Variants in LCN9 observed in about 807,000 individuals in gnomAD.
The protein encoded by LCN9 is epididymal-specific lipocalin-9.
In LCN9, 22 loss-of-function variants were observed where a neutral mutation model predicts 18.5. The observed-to-expected ratio is 1.19, with a 90% CI of 0.85 to 1.70. The LOEUF (loss-of-function observed/expected upper bound fraction) is 1.70. LCN9 is among the 40% of genes most tolerant of loss of function. LCN9 has a pLI of 0.00. For missense variants in LCN9, 202 were observed against 201.3 expected (o/e 1.00, Z -0.02); for synonymous variants, 89 against 83.0 (o/e 1.07, Z -0.39).
rs759509433 is a variant in LCN9, at chr9:135,665,922, C to A, written c.*71C>A. ...GGCCTCCCATGCGTGAGCTGCGACT[C>A]GGGACGGGCAGGGGGCTGGATGGGG... On this transcript the variant is annotated 3_prime_UTR_variant, in exon 6 of 6. Transcript: ENST00000619315. The surrounding 1 kb of genome is among the most constrained non-coding windows in gnomAD (Gnocchi z 5.9). 6.2e-7 allele frequency: 1 copy of A among 1,609,650 alleles called. No individual in the cohort carries two copies. Among genetic ancestry groups the A allele is most frequent in the Non-Finnish European group, 8.5e-7 (1 of 1,178,852 alleles).
At position 135,665,560 on chromosome 9, in the gene LCN9, C is replaced by G; in HGVS notation, c.419-128C>G. 4.2e-6 allele frequency: 4 copies of G among 952,250 alleles called. No homozygotes were observed. Among genetic ancestry groups the G allele is most frequent in the Middle Eastern group, 2.2e-4 (1 of 4,590 alleles). The allele number at this position is 952,250 out of a possible 1,614,324, so 59.0% of individuals were successfully genotyped here. On this transcript the variant is annotated intron_variant, in intron 4 of 5. Coordinates refer to ENST00000619315, the Ensembl canonical transcript of LCN9. The surrounding 1 kb of genome is among the most constrained non-coding windows in gnomAD (Gnocchi z 5.9). ...ATCTCACTTGGCACAAAGCCCCTCTCTGGTCAGGGCGTGACCCCCTGCCCA... is the reference window on the plus strand; with the variant it reads ...ATCTCACTTGGCACAAAGCCCCTCTGTGGTCAGGGCGTGACCCCCTGCCCA...
chr9:135,663,427 C>T lies in LCN9; in HGVS notation c.96+10C>T, dbSNP rs55948356. On this transcript the variant is annotated intron_variant, in intron 1 of 5. Coordinates refer to ENST00000619315, the Ensembl canonical transcript of LCN9. ...CTACAACGTGGCCAGGGTGTGTCTGCGTTGGGGTCTGTGGGGAAGGGGCCA... is the reference window on the plus strand; with the variant it reads ...CTACAACGTGGCCAGGGTGTGTCTGTGTTGGGGTCTGTGGGGAAGGGGCCA... The T allele has an allele frequency of 7.3e-3, 11,784 of 1,612,290 alleles. 72 individuals carry two copies. The highest frequency in any genetic ancestry group is 8.9e-3 in the Non-Finnish European group (10,516 of 1,178,452).
Position 135,664,389 on chromosome 9 carries a change from C to A in LCN9, c.233+91C>A. 6.7e-7 allele frequency: 1 copy of A among 1,496,878 alleles called. No individual in the cohort carries two copies. The highest frequency in any genetic ancestry group is 9.2e-7 in the Non-Finnish European group (1 of 1,087,966). 92.7% of individuals were successfully genotyped at this position (1,496,878 alleles called of 1,614,324 possible). On this transcript the variant is annotated intron_variant, in intron 2 of 5. Coordinates refer to ENST00000619315, the Ensembl canonical transcript of LCN9. The surrounding 1 kb of genome is among the most constrained non-coding windows in gnomAD (Gnocchi z 4.5). ...TCACTCTTGCACACACACGCTCGCACACTCACTGACTTGCACTCTGGTGAG... is the reference window on the plus strand; with the variant it reads ...TCACTCTTGCACACACACGCTCGCAAACTCACTGACTTGCACTCTGGTGAG...
rs1450963082 is a variant in LCN9, at chr9:135,665,919, A to G, written c.*68A>G. On this transcript the variant is annotated 3_prime_UTR_variant, in exon 6 of 6. Coordinates refer to ENST00000619315, the Ensembl canonical transcript of LCN9. The surrounding 1 kb of genome is among the most constrained non-coding windows in gnomAD (Gnocchi z 5.9). ...CCAGGCCTCCCATGCGTGAGCTGCG[A>G]CTCGGGACGGGCAGGGGGCTGGATG... 1.2e-6 allele frequency: 2 copies of G among 1,609,976 alleles called. No homozygotes were observed. Among genetic ancestry groups the G allele is most frequent in the Non-Finnish European group, 1.7e-6 (2 of 1,179,030 alleles).
In LCN9 at chr9:135,664,321, G is replaced by C; in HGVS notation, c.233+23G>C. The C allele has an allele frequency of 6.2e-7, 1 of 1,613,392 alleles. No homozygotes were observed. Among genetic ancestry groups the C allele is most frequent in the South Asian group, 1.1e-5 (1 of 91,052 alleles). On this transcript the variant is annotated intron_variant, in intron 2 of 5. Coordinates refer to ENST00000619315, the Ensembl canonical transcript of LCN9. The surrounding 1 kb of genome is among the most constrained non-coding windows in gnomAD (Gnocchi z 4.5). ...CATGTGCGTGTTGCCCATCTCAGCT[G>C]GCATCAGGAAGACCCATGCCCCTGC...
In LCN9 at chr9:135,663,494, C is replaced by T. The variant is rs150403377; in HGVS notation, c.96+77C>T. The T allele has an allele frequency of 5.4e-3, 7,372 of 1,362,478 alleles. 57 individuals are homozygous for T. The highest frequency in any genetic ancestry group is 0.013 in the South Asian group (1,085 of 84,586). 84.4% of individuals were successfully genotyped at this position (1,362,478 alleles called of 1,614,324 possible). ...TCTTCCCCCAGCCTGGGGTCTCTGA[C>T]CTGTGACCAGGGCAACTGGTCCAAG... is the stretch of plus-strand genomic sequence containing the variant. On this transcript the variant is annotated intron_variant, in intron 1 of 5. Transcript: ENST00000619315.
rs1252789895 is a variant in LCN9, at chr9:135,664,498, G to A, written c.233+200G>A. On this transcript the variant is annotated intron_variant, in intron 2 of 5. Transcript: ENST00000619315. This position sits in a 1 kb window ranked among gnomAD's most constrained non-coding sequence, Gnocchi z 4.5. ...TCTGCCTGGCACTGTGCTCTTCCCTGAAACATAGAGATGAAATCGCCCCCT... is the reference window on the plus strand; with the variant it reads ...TCTGCCTGGCACTGTGCTCTTCCCTAAAACATAGAGATGAAATCGCCCCCT... 6.6e-6 allele frequency among the ~76,000 whole-genome samples: 1 copy of A among 152,102 alleles called. No homozygotes were observed. The highest frequency in any genetic ancestry group is 1.5e-5 in the Non-Finnish European group (1 of 68,022).
rs756033576 is a variant in LCN9, at chr9:135,665,719, G to A, written c.450G>A (p.Leu150=). The change falls in exon 5 of 6, where the codon TTG becomes TTA. Residue 150 remains leucine (L), a synonymous_variant. Transcript: ENST00000619315. This position sits in a 1 kb window ranked among gnomAD's most constrained non-coding sequence, Gnocchi z 5.9. ...AGAAACCTGCGAAAAGTACGGACTT[G>A]GCTCACAAAATATCATCGACTTGAC... The A allele has an allele frequency of 1.2e-6, 2 of 1,613,418 alleles. No individual in the cohort carries two copies. Among genetic ancestry groups the A allele is most frequent in the Admixed American group, 3.3e-5 (2 of 59,912 alleles).
exon 6 of LCN9, among the ~76,000 whole-genome samples, chr9:135,666,660 T>A (rs1314680597): frequency 3.3e-5 from 5 of 152,176 alleles, no homozygotes; most frequent in African/African-American, 2.4e-5. Context: ...AAGGCACCTC[T>A]GCATTTCTGC....
Position 135,665,591 on chromosome 9 carries a change from A to G in LCN9, c.419-97A>G. ...AGGGCGTGACCCCCTGCCCAGCCTC[A>G]GCACTTCCTGAGCACCCCCAGCAAG... is the stretch of plus-strand genomic sequence containing the variant. On this transcript the variant is annotated intron_variant, in intron 4 of 5. Coordinates refer to ENST00000619315, the Ensembl canonical transcript of LCN9. This position sits in a 1 kb window ranked among gnomAD's most constrained non-coding sequence, Gnocchi z 5.9. 3 of 1,245,484 alleles carry G rather than the reference A, an allele frequency of 2.4e-6. No individual in the cohort carries two copies. The highest frequency in any genetic ancestry group is 3.4e-6 in the Non-Finnish European group (3 of 874,854). 77.2% of individuals were successfully genotyped at this position (1,245,484 alleles called of 1,614,324 possible).
At position 135,665,429 on chromosome 9, in the gene LCN9, G is replaced by A. The variant is rs531042875; in HGVS notation, c.418+74G>A. The A allele has an allele frequency of 1.2e-5, 15 of 1,248,622 alleles. No homozygotes were observed. The South Asian group carries it at 1.8e-4, about 15-fold the overall frequency. 77.3% of individuals were successfully genotyped at this position (1,248,622 alleles called of 1,614,324 possible). A position where few individuals can be genotyped will look rare whatever the true frequency, so the allele number is the denominator to read the frequency against. ...GAAGTCCGGCCCAACCCTGGGCGGA[G>A]GAGGGTCTCGCAGTGGCCCTGGGGT... On this transcript the variant is annotated intron_variant, in intron 4 of 5. Coordinates refer to ENST00000619315, the Ensembl canonical transcript of LCN9. The surrounding 1 kb of genome is among the most constrained non-coding windows in gnomAD (Gnocchi z 5.9).
At position 135,665,910 on chromosome 9, in the gene LCN9, T is replaced by C; in HGVS notation, c.*59T>C. The C allele has an allele frequency of 6.2e-7, 1 of 1,611,612 alleles. No homozygotes were observed. Among genetic ancestry groups the C allele is most frequent in the Non-Finnish European group, 8.5e-7 (1 of 1,179,302 alleles). On this transcript the variant is annotated 3_prime_UTR_variant, in exon 6 of 6. Transcript: ENST00000619315. This position sits in a 1 kb window ranked among gnomAD's most constrained non-coding sequence, Gnocchi z 5.9. ...GGAGCCCGCCCAGGCCTCCCATGCG[T>C]GAGCTGCGACTCGGGACGGGCAGGG...
chr9:135,665,443 T>A lies in LCN9; in HGVS notation c.418+88T>A. 8.9e-7 allele frequency: 1 copy of A among 1,127,378 alleles called. No homozygotes were observed. The highest frequency in any genetic ancestry group is 1.3e-6 in the Non-Finnish European group (1 of 766,046). The allele number at this position is 1,127,378 out of a possible 1,614,324, so 69.8% of individuals were successfully genotyped here. A position where few individuals can be genotyped will look rare whatever the true frequency, so the allele number is the denominator to read the frequency against. ...CCCTGGGCGGAGGAGGGTCTCGCAG[T>A]GGCCCTGGGGTTTGGAGAGGTGGTT... On this transcript the variant is annotated intron_variant, in intron 4 of 5. Coordinates refer to ENST00000619315, the Ensembl canonical transcript of LCN9. The surrounding 1 kb of genome is among the most constrained non-coding windows in gnomAD (Gnocchi z 5.9).
Position 135,665,934 on chromosome 9 carries a change from G to T in LCN9, c.*83G>T. The T allele has an allele frequency of 6.2e-7, 1 of 1,605,690 alleles. No homozygotes were observed. Among genetic ancestry groups the T allele is most frequent in the Non-Finnish European group, 8.5e-7 (1 of 1,178,012 alleles). On this transcript the variant is annotated 3_prime_UTR_variant, in exon 6 of 6. Transcript: ENST00000619315. This position sits in a 1 kb window ranked among gnomAD's most constrained non-coding sequence, Gnocchi z 5.9. Reference sequence around the variant, plus strand: ...GTGAGCTGCGACTCGGGACGGGCAGGGGGCTGGATGGGGAGAGCTTGGGGC... The same window carrying T: ...GTGAGCTGCGACTCGGGACGGGCAGTGGGCTGGATGGGGAGAGCTTGGGGC...
In LCN9 at chr9:135,664,716, T is replaced by C. The variant is rs1393203957; in HGVS notation, c.234-6T>C. The C allele has an allele frequency of 2.5e-6, 4 of 1,580,508 alleles. No homozygotes were observed. The African/African-American group carries it at 5.4e-5, about 22-fold the overall frequency. Reference sequence around the variant, plus strand: ...CACTCCCGGCATCTTCCTGGCTGGCTTCCAGGGTGCAGGGGGAGTGTGTGG... The same window carrying C: ...CACTCCCGGCATCTTCCTGGCTGGCCTCCAGGGTGCAGGGGGAGTGTGTGG... On this transcript the variant is annotated splice_region_variant and splice_polypyrimidine_tract_variant and intron_variant, in intron 2 of 5. Coordinates refer to ENST00000619315, the Ensembl canonical transcript of LCN9. The surrounding 1 kb of genome is among the most constrained non-coding windows in gnomAD (Gnocchi z 4.5).
rs1029767162 is a variant in LCN9, at chr9:135,664,934, A to G, written c.307+139A>G. The G allele has an allele frequency of 7.4e-5, 68 of 917,964 alleles. No individual in the cohort carries two copies. The highest frequency in any genetic ancestry group is 1.1e-4 in the Non-Finnish European group (68 of 607,376). The allele number at this position is 917,964 out of a possible 1,614,324, so 56.9% of individuals were successfully genotyped here. On this transcript the variant is annotated intron_variant, in intron 3 of 5. Coordinates refer to ENST00000619315, the Ensembl canonical transcript of LCN9. The surrounding 1 kb of genome is among the most constrained non-coding windows in gnomAD (Gnocchi z 4.5). ...GCTTGACCCTGAACTGGAGGGACCCATCCTGGCACCTACCCAGGGGGGCTC... is the reference window on the plus strand; with the variant it reads ...GCTTGACCCTGAACTGGAGGGACCCGTCCTGGCACCTACCCAGGGGGGCTC...
In LCN9 at chr9:135,664,753, G is replaced by C. The variant is rs1246858418; in HGVS notation, c.265G>C (p.Val89Leu). The change falls in exon 3 of 6, where the codon GTC becomes CTC. Residue 89 changes from valine (V) to leucine (L), a missense_variant. Val to Leu is a conservative substitution (Grantham distance 32). Coordinates refer to ENST00000619315, the Ensembl canonical transcript of LCN9. This position sits in a 1 kb window ranked among gnomAD's most constrained non-coding sequence, Gnocchi z 4.5. Reference sequence around the variant, plus strand: ...GGGGGAGTGTGTGGCTGTGGTCGTGGTCTGCGAGAAGACAGAGAAGAATGG... The same window carrying C: ...GGGGGAGTGTGTGGCTGTGGTCGTGCTCTGCGAGAAGACAGAGAAGAATGG... The C allele has an allele frequency of 6.3e-7, 1 of 1,599,036 alleles. No individual in the cohort carries two copies. Among genetic ancestry groups the C allele is most frequent in the Non-Finnish European group, 8.5e-7 (1 of 1,173,200 alleles).
At position 135,664,089 on chromosome 9, in the gene LCN9, G is replaced by C. The variant is rs1225839848; in HGVS notation, c.97-73G>C. 1.3e-6 allele frequency: 2 copies of C among 1,548,060 alleles called. No individual in the cohort carries two copies. The highest frequency in any genetic ancestry group is 1.8e-6 in the Non-Finnish European group (2 of 1,136,742). ...ATGCTAAGGGGCCGGGCCCTGGGAG[G>C]GAAGACTGTGGGCGCTAAGCATCCC... On this transcript the variant is annotated intron_variant, in intron 1 of 5. Transcript: ENST00000619315. This position sits in a 1 kb window ranked among gnomAD's most constrained non-coding sequence, Gnocchi z 4.5.
Position 135,665,474 on chromosome 9 carries a change from T to A in LCN9, c.418+119T>A. 1.1e-6 allele frequency: 1 copy of A among 892,140 alleles called. No homozygotes were observed. The highest frequency in any genetic ancestry group is 1.8e-6 in the Non-Finnish European group (1 of 563,992). 55.3% of individuals were successfully genotyped at this position (892,140 alleles called of 1,614,324 possible). Reference sequence around the variant, plus strand: ...TGGGGTTTGGAGAGGTGGTTCCCGTTGGCTATTCCTTCCCACAGACACACC... The same window carrying A: ...TGGGGTTTGGAGAGGTGGTTCCCGTAGGCTATTCCTTCCCACAGACACACC... On this transcript the variant is annotated intron_variant, in intron 4 of 5. Transcript: ENST00000619315. This position sits in a 1 kb window ranked among gnomAD's most constrained non-coding sequence, Gnocchi z 5.9.
Sources: allele counts gnomAD v4.1 joint callset (sites outside exome capture counted in the v4.1 genomes callset), GRCh38; gene constraint gnomAD v4.1.1; non-coding constraint Gnocchi (gnomAD v3.1); transcripts MANE v1.5; gene names NCBI Gene and HGNC (gene_info 2026-07-23, HGNC 2026-07-21).